DPP10: variants seen among roughly 807,000 people sequenced by gnomAD.
DPP10 encodes dipeptidyl peptidase like 10.
In DPP10, 33 loss-of-function variants were observed where a neutral mutation model predicts 120.9. The observed-to-expected ratio is 0.27, with a 90% confidence interval of 0.21 to 0.37. DPP10 has a LOEUF of 0.37. Ranked by LOEUF, DPP10 falls within the 10% of genes least tolerant of loss-of-function variation. The pLI is 1.00. For missense variants in DPP10, 816 were observed against 942.8 expected, an observed-to-expected ratio of 0.87 and a Z score of 1.76; for synonymous variants, 337 against 326.1, an observed-to-expected ratio of 1.03 and a Z score of -0.36.
At chr2:115,777,877 A>C in intron 15 of DPP10, 43 bp downstream of exon 15, 1 of 1,588,168 alleles carries the variant, frequency 6.3e-7, no homozygotes, top group Non-Finnish European at 8.6e-7. Flanking sequence ...TTGGCTTCTC[A>C]ATGGCTATCT....
intron 3 of DPP10, among the ~76,000 whole-genome samples, chr2:115,378,450 G>T (rs2065994127): frequency 1.3e-5 from 2 of 151,600 alleles, no homozygotes; most frequent in South Asian, 4.1e-4. Context: ...AGGAGATTTT[G>T]GGCTGAGACA....
At chr2:114,738,695 T>C (rs762419809) in intron 1 of DPP10, among the ~76,000 whole-genome samples, 1 of 152,156 alleles carries the variant, frequency 6.6e-6, no homozygotes, top group Non-Finnish European at 1.5e-5. Context: ...GGTAGAACAT[T>C]TGAGGTGGAC....
Position 114,748,362 on chromosome 2 carries a change from T to TA in DPP10, c.60+305524_60+305525insA, listed in dbSNP as rs1553418252. Among the ~76,000 whole-genome samples the TA allele has an allele frequency of 1.1e-3, 136 of 124,726 alleles. 5 individuals are homozygous for TA. The highest frequency in any genetic ancestry group is 3.4e-3 in the African/African-American group (100 of 29,776). The allele number at this position is 124,726 out of a possible 152,430, so 81.8% of individuals were successfully genotyped here. On this transcript the variant is annotated intron_variant, in intron 1 of 25. Transcript: ENST00000410059. ...TCTTTTTTTTTTTTATTTTTTTTTATTTTATTTATTTATTTATTTATTTAT... is the reference window on the plus strand; with the variant it reads ...TCTTTTTTTTTTTTATTTTTTTTTATATTTATTTATTTATTTATTTATTTAT...
At chr2:114,752,896 A>G (rs1354442694) in intron 1 of DPP10, among the ~76,000 whole-genome samples, 1 of 152,184 alleles carries the variant, frequency 6.6e-6, no homozygotes, top group Non-Finnish European at 1.5e-5. Context: ...GAGATTGTCA[A>G]TGGATTTCTT....
intron 1 of DPP10, among the ~76,000 whole-genome samples, chr2:114,866,785 T>C (rs913347537): frequency 2.6e-5 from 4 of 152,204 alleles, no homozygotes; most frequent in Non-Finnish European, 5.9e-5. Context: ...AAAGTAAGAA[T>C]ATGCTGTGCT....
chr2:114,765,364 T>C (rs1269490763), intron 1 of DPP10, among the ~76,000 whole-genome samples: 1 of 152,146 alleles, frequency 6.6e-6, no homozygotes, highest in African/African-American at 2.4e-5. Flanking sequence ...GGTTCTGATA[T>C]ATCCCAAAGA....
At chr2:115,646,000 T>C (rs539358736) in intron 5 of DPP10, among the ~76,000 whole-genome samples, 90 of 152,252 alleles carry the variant, frequency 5.9e-4, no homozygotes, top group Non-Finnish European at 1.2e-3. Flanking sequence ...TTGTTAAATA[T>C]GATCCTGACT....
chr2:114,624,634 T>A (rs917326192), intron 1 of DPP10, among the ~76,000 whole-genome samples: 1 of 151,970 alleles, frequency 6.6e-6, no homozygotes, highest in African/African-American at 2.4e-5. Flanking sequence ...TGTGGTGCTT[T>A]TCTATATATA....
chr2:114,475,540 C>T (rs1680301912), intron 1 of DPP10, among the ~76,000 whole-genome samples: 1 of 152,090 alleles, frequency 6.6e-6, no homozygotes, highest in Non-Finnish European at 1.5e-5. Flanking sequence ...GTATCAGAAT[C>T]ACCTGGGATG....
chr2:114,831,725 C>A (rs1206939795), intron 1 of DPP10, among the ~76,000 whole-genome samples: 1 of 151,890 alleles, frequency 6.6e-6, no homozygotes, highest in Non-Finnish European at 1.5e-5. Context: ...GATTAAGTTG[C>A]AGAGTACAAT....
intron 7 of DPP10, among the ~76,000 whole-genome samples, chr2:115,707,772 A>C (rs985723870): frequency 4.0e-5 from 6 of 151,892 alleles, no homozygotes; most frequent in African/African-American, 1.4e-4. Flanking sequence ...AGTGCTATCC[A>C]GTGATAAAAG....
chr2:114,665,010 A>ACAAAAGATGGCACAGAGCATC (rs1697810368), intron 1 of DPP10, among the ~76,000 whole-genome samples: 1 of 127,018 alleles, frequency 7.9e-6, no homozygotes, highest in Admixed American at 7.3e-5. Context: ...CACAGAGCAT[A>ACAAAAGATGGCACAGAGCATC]CAAAAGATGG....
intron 1 of DPP10, among the ~76,000 whole-genome samples, chr2:114,712,117 C>T (rs558380439): frequency 5.3e-4 from 80 of 152,050 alleles, no homozygotes; most frequent in African/African-American, 1.8e-3. Context: ...GTCAGGAGTT[C>T]GATAACAGCC....
intron 1 of DPP10, among the ~76,000 whole-genome samples, chr2:115,113,624 G>T (rs987636898): frequency 6.6e-6 from 1 of 152,044 alleles, no homozygotes; most frequent in African/African-American, 2.4e-5. Flanking sequence ...GGTGGAAGAG[G>T]ACTAGGTTTC....
intron 1 of DPP10, among the ~76,000 whole-genome samples, chr2:115,301,049 T>C (rs2061105187): frequency 6.6e-6 from 1 of 152,036 alleles, no homozygotes; most frequent in Non-Finnish European, 1.5e-5. Context: ...GTGTCTTCCC[T>C]GGGCCTGTGT....
At chr2:114,964,691 A>G (rs565916516) in intron 1 of DPP10, among the ~76,000 whole-genome samples, 1 of 152,288 alleles carries the variant, frequency 6.6e-6, no homozygotes, top group South Asian at 2.1e-4. Flanking sequence ...AGTAAGTAGG[A>G]TATCAGTTTA....
chr2:114,881,018 C>T (rs1221801913), intron 1 of DPP10, among the ~76,000 whole-genome samples: 1 of 152,090 alleles, frequency 6.6e-6, no homozygotes, highest in Non-Finnish European at 1.5e-5. Flanking sequence ...GCAAGTGTGA[C>T]CCAGGTTACC....
chr2:114,948,269 C>A (rs150701048), intron 1 of DPP10, among the ~76,000 whole-genome samples: 2 of 151,852 alleles, frequency 1.3e-5, no homozygotes, highest in East Asian at 3.9e-4. Context: ...TGCTTTATAC[C>A]CAATGTTTCT....
chr2:114,913,048 G>T (rs1040901525), intron 1 of DPP10, among the ~76,000 whole-genome samples: 5 of 152,178 alleles, frequency 3.3e-5, no homozygotes, highest in Non-Finnish European at 7.3e-5. Context: ...GTACCCCTCT[G>T]TCTTCAGATC....
Sources: gnomAD v4.1 joint callset for allele counts (sites outside exome capture counted in the v4.1 genomes callset) on GRCh38, gnomAD v4.1.1 for gene constraint, MANE v1.5 for transcripts, NCBI Gene and HGNC (gene_info 2026-07-23, HGNC 2026-07-21) for gene names.